The following RABGAP1L variants were observed in gnomAD, a reference collection of about 807,000 sequenced individuals.
RABGAP1L encodes the protein RAB GTPase activating protein 1 like, also known as rab GTPase-activating protein 1-like.
Under a neutral mutation model 137.7 loss-of-function variants are expected in RABGAP1L, and 63 were observed. That is an observed-to-expected ratio of 0.46 (90% CI 0.37 to 0.56). The LOEUF (loss-of-function observed/expected upper bound fraction) is 0.56, where lower values mean the gene tolerates loss of function less well. Ranked by LOEUF, RABGAP1L falls within the 20% of genes least tolerant of loss-of-function variation. The pLI is 0.00. For synonymous variants in RABGAP1L, 431 were observed against 433.7 expected, an observed-to-expected ratio of 0.99 and a Z score of 0.08; for missense variants, 1,095 against 1,244.0, an observed-to-expected ratio of 0.88 and a Z score of 1.80.
chr1:174,873,731 G>A (rs1464640801), intron 19 of RABGAP1L, among the ~76,000 whole-genome samples: 2 of 151,410 alleles, frequency 1.3e-5, no homozygotes, highest in African/African-American at 2.4e-5. Context: ...GGCTGGTCTC[G>A]AACTCCTGAC....
At chr1:174,555,539 C>A (rs1408999864) in intron 13 of RABGAP1L, among the ~76,000 whole-genome samples, 1 of 149,466 alleles carries the variant, frequency 6.7e-6, no homozygotes, top group East Asian at 1.9e-4. Flanking sequence ...TGTCCCCCCC[C>A]CAAAAAAAAT....
chr1:174,666,746 G>C (rs1222783766), intron 14 of RABGAP1L, among the ~76,000 whole-genome samples: 1 of 152,114 alleles, frequency 6.6e-6, no homozygotes, highest in African/African-American at 2.4e-5. Flanking sequence ...ATACCATCCT[G>C]TATTTCTTAT....
chr1:174,367,262 C>G (rs904542974), intron 11 of RABGAP1L: 1 of 152,406 alleles, frequency 6.6e-6, no homozygotes, highest in Admixed American at 6.5e-5. Flanking sequence ...TCTTTACATT[C>G]TCTTGCTGCC....
At chr1:174,643,604 G>T (rs1442923181) in intron 14 of RABGAP1L, among the ~76,000 whole-genome samples, 2 of 152,052 alleles carry the variant, frequency 1.3e-5, no homozygotes, top group East Asian at 3.8e-4. Context: ...AACAGTAATA[G>T]TAAAAATTTG....
chr1:174,877,585 A>T (rs1316633250), intron 19 of RABGAP1L: 1 of 1,613,618 alleles, frequency 6.2e-7, no homozygotes, highest in Non-Finnish European at 8.5e-7. Context: ...TCTGGTGGCC[A>T]TCAGCAAGCC....
intron 13 of RABGAP1L, among the ~76,000 whole-genome samples, chr1:174,470,315 A>C (rs1657770165): frequency 6.6e-6 from 1 of 152,208 alleles, no homozygotes; most frequent in Non-Finnish European, 1.5e-5. Flanking sequence ...ACATATGTAC[A>C]TTCTATGTAA....
At chr1:174,783,348 G>A (rs1653634) in intron 18 of RABGAP1L, among the ~76,000 whole-genome samples, 94,843 of 151,894 alleles carry the variant, frequency 0.62, 32,931 homozygotes, top group East Asian at 0.93. Context: ...TGGAATCTGT[G>A]AGGCCAAGAA....
At chr1:174,588,113 G>A (rs969870706) in intron 13 of RABGAP1L, among the ~76,000 whole-genome samples, 7 of 151,938 alleles carry the variant, frequency 4.6e-5, no homozygotes, top group Non-Finnish European at 8.8e-5. Context: ...TGATCCACCC[G>A]CCTCGGCTTC....
At chr1:174,679,377 C>T (rs1677881547) in intron 14 of RABGAP1L, among the ~76,000 whole-genome samples, 1 of 152,042 alleles carries the variant, frequency 6.6e-6, no homozygotes, top group Non-Finnish European at 1.5e-5. Flanking sequence ...AATTCAGTAC[C>T]CATAGAAGAT....
chr1:174,980,800 A>C (rs1671032412), intron 23 of RABGAP1L, among the ~76,000 whole-genome samples: 1 of 152,204 alleles, frequency 6.6e-6, no homozygotes, highest in African/African-American at 2.4e-5. Context: ...ATGTGGAACC[A>C]AGGAGACAGA....
chr1:174,319,931 A>G (rs1477281416), intron 11 of RABGAP1L, among the ~76,000 whole-genome samples: 3 of 152,088 alleles, frequency 2.0e-5, no homozygotes, highest in Non-Finnish European at 4.4e-5. Context: ...CCTAATAAAA[A>G]TCTTCGATCA....
chr1:174,809,192 T>C (rs1291831347), intron 18 of RABGAP1L, among the ~76,000 whole-genome samples: 2 of 152,216 alleles, frequency 1.3e-5, no homozygotes, highest in Non-Finnish European at 2.9e-5. Flanking sequence ...AGATCTCTTC[T>C]CTTCTTGAGC....
At chr1:174,278,831 C>T (rs1675238004) in intron 10 of RABGAP1L, 52 bp downstream of exon 10, 1 of 1,318,692 alleles carries the variant, frequency 7.6e-7, no homozygotes, top group African/African-American at 1.5e-5. Context: ...TTTCTTTCCA[C>T]ACTTCTTTTT....
chr1:174,612,739 T>C (rs938894386), intron 13 of RABGAP1L, among the ~76,000 whole-genome samples: 15 of 152,208 alleles, frequency 9.9e-5, no homozygotes, highest in African/African-American at 3.6e-4. Flanking sequence ...TCAGAGCCTG[T>C]TATTGGTCTA....
intron 13 of RABGAP1L, among the ~76,000 whole-genome samples, chr1:174,458,681 A>G (rs1416330031): frequency 3.3e-5 from 5 of 152,144 alleles, no homozygotes; most frequent in Non-Finnish European, 7.4e-5. Flanking sequence ...AGTTCTTTGC[A>G]TATCAAACTT....
At chr1:174,946,051 T>C (rs943823445) in intron 19 of RABGAP1L, among the ~76,000 whole-genome samples, 4 of 151,906 alleles carry the variant, frequency 2.6e-5, no homozygotes, top group Non-Finnish European at 5.9e-5. Context: ...TTTTTTTTCC[T>C]AGCTTGCCCA....
At chr1:174,550,675 A>G (rs984569685) in intron 13 of RABGAP1L, among the ~76,000 whole-genome samples, 2 of 151,504 alleles carry the variant, frequency 1.3e-5, no homozygotes, top group Non-Finnish European at 2.9e-5. Flanking sequence ...GCAAGGATAT[A>G]AAAGATCTGA....
At chr1:174,857,000 A>C (rs1192436018) in intron 19 of RABGAP1L, among the ~76,000 whole-genome samples, 1 of 152,156 alleles carries the variant, frequency 6.6e-6, no homozygotes, top group South Asian at 2.1e-4. Context: ...TTCAAAATTT[A>C]CAAGTGTAAA....
At chr1:174,948,498 A>G (rs1667224304) in intron 19 of RABGAP1L, among the ~76,000 whole-genome samples, 1 of 131,824 alleles carries the variant, frequency 7.6e-6, no homozygotes, top group African/African-American at 3.3e-5. Context: ...CCACAGAGCG[A>G]GACCCTGCCT....
Sources: gnomAD v4.1 joint callset for allele counts (sites outside exome capture counted in the v4.1 genomes callset) on GRCh38, gnomAD v4.1.1 for gene constraint, MANE v1.5 for transcripts, NCBI Gene and HGNC (gene_info 2026-07-23, HGNC 2026-07-21) for gene names.